The following LRRC8A variants were observed in gnomAD, a reference collection of about 807,000 sequenced individuals.
LRRC8A encodes the protein leucine rich repeat containing 8 VRAC subunit A, also known as volume-regulated anion channel subunit LRRC8A.
Under a neutral mutation model 52.5 loss-of-function variants are expected in LRRC8A, and 24 were observed. The ratio of observed to expected loss-of-function variants is 0.46; its 90% CI spans 0.33 to 0.64. The LOEUF (loss-of-function observed/expected upper bound fraction) is 0.64, where lower values mean the gene tolerates loss of function less well. Ranked by LOEUF, LRRC8A falls within the 30% of genes least tolerant of loss-of-function variation. The probability of loss-of-function intolerance (pLI) is 0.02; values close to 1 mark genes in which losing one functional copy is unlikely to be tolerated. For synonymous variants in LRRC8A, 492 were observed against 494.2 expected (o/e 1.00, Z 0.06); for missense variants, 677 against 1,094.7 (o/e 0.62, Z 5.38).
intron 1 of LRRC8A, among the ~76,000 whole-genome samples, chr9:128,884,324 C>G (rs747579908): frequency 1.3e-5 from 2 of 152,192 alleles, no homozygotes; most frequent in Non-Finnish European, 2.9e-5. Context: ...TGGGCCAAGA[C>G]CTCTTGGAGA....
At chr9:128,884,480 C>T (rs1839311735) in intron 1 of LRRC8A, among the ~76,000 whole-genome samples, 1 of 152,160 alleles carries the variant, frequency 6.6e-6, no homozygotes, top group African/African-American at 2.4e-5. Context: ...CATCCCTGGC[C>T]TCCTGAGAGC....
rs1839928801 is a variant in LRRC8A, at chr9:128,899,048, A to T, written c.-8-8109A>T. On this transcript the variant is annotated intron_variant, in intron 2 of 3. Coordinates refer to ENST00000372600, the MANE Select transcript of LRRC8A (RefSeq NM_019594.4). This position sits in a 1 kb window ranked among gnomAD's most constrained non-coding sequence, Gnocchi z 4.0. Reference sequence around the variant, plus strand: ...GGCAGCTCTGCAGTCACAGCCCAGCAGTCTGACGCGGGGGTGGGCAGCTGA... The same window carrying T: ...GGCAGCTCTGCAGTCACAGCCCAGCTGTCTGACGCGGGGGTGGGCAGCTGA... Among the ~76,000 whole-genome samples the T allele has an allele frequency of 6.6e-6, 1 of 152,192 alleles. No individual in the cohort carries two copies. The highest frequency in any genetic ancestry group is 6.5e-5 in the Admixed American group (1 of 15,276).
intron 3 of LRRC8A, among the ~76,000 whole-genome samples, chr9:128,914,833 G>A (rs989577195): frequency 1.3e-5 from 2 of 152,246 alleles, no homozygotes; most frequent in South Asian, 4.1e-4. Context: ...TCGCAGCAGG[G>A]CAGGGAAGAA....
At chr9:128,889,784 C>T (rs9408984) in intron 2 of LRRC8A, among the ~76,000 whole-genome samples, 79,587 of 151,698 alleles carry the variant, frequency 0.52, 25,101 homozygotes, top group Admixed American at 0.68. Flanking sequence ...TGAGCCACTG[C>T]GCCTGGCCAA....
chr9:128,896,413 A>G (rs902149059), intron 2 of LRRC8A, among the ~76,000 whole-genome samples: 3 of 152,232 alleles, frequency 2.0e-5, no homozygotes, highest in Admixed American at 1.3e-4. Flanking sequence ...TGTGTGGAGC[A>G]GCTTTCTAAG....
chr9:128,912,931 G>C (rs1243507215), intron 3 of LRRC8A: 1 of 152,334 alleles, frequency 6.6e-6, no homozygotes, highest in African/African-American at 2.4e-5. Context: ...GTGGATTGTT[G>C]AGACTGGAGG....
At chr9:128,909,381 G>C (rs2131028145) in intron 3 of LRRC8A, 60 bp downstream of exon 3, 4 of 1,516,252 alleles carry the variant, frequency 2.6e-6, no homozygotes, top group African/African-American at 1.4e-5. Flanking sequence ...CAGGGCTTGT[G>C]GTGGGGCACT....
chr9:128,902,384 A>T lies in LRRC8A; in HGVS notation c.-8-4773A>T, dbSNP rs1840060785. On this transcript the variant is annotated intron_variant, in intron 2 of 3. Transcript: ENST00000372600. This position sits in a 1 kb window ranked among gnomAD's most constrained non-coding sequence, Gnocchi z 4.1. The stretch of plus-strand genomic sequence containing the variant: ...CCTCACCTGTGTGACTGAGCTGGGA[A>T]CACTTCCTGCCTCAGAAGGAGGAGT... 1.3e-5 allele frequency among the ~76,000 whole-genome samples: 2 copies of T among 151,976 alleles called. No homozygotes were observed. Among genetic ancestry groups the T allele is most frequent in the Admixed American group, 1.3e-4 (2 of 15,254 alleles).
At position 128,908,112 on chromosome 9, in the gene LRRC8A, A is replaced by G. The variant is rs1466915303; in HGVS notation, c.948A>G (p.Thr316=). Reference sequence around the variant, plus strand: ...ACCGCTGTGCCCACCCCCTGGCCACACTCTTCAAGATCCTGGCGTCCTTCT... The same window carrying G: ...ACCGCTGTGCCCACCCCCTGGCCACGCTCTTCAAGATCCTGGCGTCCTTCT... ...RTYRCAHPLA[T]LFKILASFYI... Residue 316 remains threonine (T), a synonymous_variant, in exon 3 of 4, where the codon ACA becomes ACG. Coordinates refer to ENST00000372600, the MANE Select transcript of LRRC8A (RefSeq NM_019594.4). 8 of 1,613,708 alleles carry G rather than the reference A, an allele frequency of 5.0e-6. No homozygotes were observed. In the East Asian group the frequency reaches 1.8e-4, roughly 36 times the overall value.
Position 128,916,347 on chromosome 9 carries a change from G to A in LRRC8A, c.2409G>A (p.Trp803Ter). 1 of 1,611,754 alleles carries A rather than the reference G, an allele frequency of 6.2e-7. No individual in the cohort carries two copies. The highest frequency in any genetic ancestry group is 8.5e-7 in the Non-Finnish European group (1 of 1,179,846). Residue 803 changes from tryptophan (W) to a stop codon, truncating the protein, a stop_gained, in exon 4 of 4, where the codon TGG becomes TGA. Coordinates refer to ENST00000372600, the MANE Select transcript of LRRC8A (RefSeq NM_019594.4). LOFTEE classifies it high-confidence loss of function. The surrounding 1 kb of genome is among the most constrained non-coding windows in gnomAD (Gnocchi z 6.1). ...CACCCGAGGTGAAGGAGCGGCTGTG[G>A]AGGGCTGACAAGGAGCAGGCCTGAG... ...TLPPEVKERL[W>*]RADKEQA
chr9:128,907,215 C>T lies in LRRC8A; in HGVS notation c.51C>T (p.Tyr17=), dbSNP rs16930745. The change falls in exon 3 of 4, where the codon TAC becomes TAT. Residue 17 remains tyrosine (Y), a synonymous_variant. Coordinates refer to ENST00000372600, the MANE Select transcript of LRRC8A (RefSeq NM_019594.4). This position sits in a 1 kb window ranked among gnomAD's most constrained non-coding sequence, Gnocchi z 9.3. The part of the protein sequence containing the change: ...LRYFADTQPA[Y]RILKPWWDVF... ...ACTTTGCGGACACGCAGCCAGCATA[C>T]CGGATCCTGAAGCCGTGGTGGGATG... is the stretch of plus-strand genomic sequence containing the variant. The T allele has an allele frequency of 1.5e-3, 2,355 of 1,613,680 alleles. 33 individuals carry two copies. The African/African-American group carries it at 0.028, about 19-fold the overall frequency.
chr9:128,909,181 A>G lies in LRRC8A; in HGVS notation c.2017A>G (p.Lys673Glu). 2 of 1,614,120 alleles carry G rather than the reference A, an allele frequency of 1.2e-6. No individual in the cohort carries two copies. The highest frequency in any genetic ancestry group is 2.2e-5 in the East Asian group (1 of 44,878). The change falls in exon 3 of 4, where the codon AAG (lysine) becomes GAG (glutamate). Residue 673 changes from lysine (K) to glutamate (E), a missense_variant. By Grantham distance (56) the Lys-to-Glu change is moderately conservative (BLOSUM62 1). This residue lies in a region of LRRC8A where 169 missense variants were observed against 217.6 expected (regional missense o/e 0.78). Coordinates refer to ENST00000372600, the MANE Select transcript of LRRC8A (RefSeq NM_019594.4). ...NLERLYLNRNKIEKIPTQLFY... is the reference protein window; with the variant it reads ...NLERLYLNRNEIEKIPTQLFY... Reference sequence around the variant, plus strand: ...GGAGCGCCTCTACCTGAACCGCAACAAGATCGAGAAGATCCCCACCCAGCT... The same window carrying G: ...GGAGCGCCTCTACCTGAACCGCAACGAGATCGAGAAGATCCCCACCCAGCT...
chr9:128,883,085 G>C (rs1215785437), intron 1 of LRRC8A, among the ~76,000 whole-genome samples: 1 of 152,192 alleles, frequency 6.6e-6, no homozygotes, highest in African/African-American at 2.4e-5. Flanking sequence ...TTGGGAAGGA[G>C]GGATGGGTCG....
At position 128,908,967 on chromosome 9, in the gene LRRC8A, T is replaced by C. The variant is rs16930757; in HGVS notation, c.1803T>C (p.Cys601=). 4,488 of 1,614,152 alleles carry C rather than the reference T, an allele frequency of 2.8e-3. 59 individuals carry two copies. The African/African-American group carries it at 0.042, about 15-fold the overall frequency. The change falls in exon 3 of 4, where the codon TGT becomes TGC. Residue 601 remains cysteine (C), a synonymous_variant. Transcript: ENST00000372600. ...ANLTELELIR[C]DLERIPHSIF... is the part of the protein sequence containing the mutation. ...TGACTGAGCTGGAGCTGATCCGCTG[T>C]GACCTGGAGCGCATCCCCCACTCCA...
At chr9:128,913,255 C>T (rs551046997) in intron 3 of LRRC8A, among the ~76,000 whole-genome samples, 7 of 152,106 alleles carry the variant, frequency 4.6e-5, no homozygotes, top group Non-Finnish European at 8.8e-5. Flanking sequence ...AGAGAGACAG[C>T]GGCTTTCCTG....
chr9:128,896,043 G>A (rs1240552561), intron 2 of LRRC8A, among the ~76,000 whole-genome samples: 1 of 152,208 alleles, frequency 6.6e-6, no homozygotes, highest in East Asian at 1.9e-4. Flanking sequence ...AATATTCCAA[G>A]CACAGTTGAA....
chr9:128,913,524 G>T (rs1430760955), intron 3 of LRRC8A, among the ~76,000 whole-genome samples: 1 of 152,114 alleles, frequency 6.6e-6, no homozygotes, highest in Non-Finnish European at 1.5e-5. Flanking sequence ...GCTGTGGTGG[G>T]AGCCGAGCAA....
chr9:128,887,937 C>T (rs940617668), intron 2 of LRRC8A, among the ~76,000 whole-genome samples: 5 of 152,162 alleles, frequency 3.3e-5, no homozygotes, highest in East Asian at 1.9e-4. Context: ...CCACCGCGCC[C>T]GGCTCCCCTG....
chr9:128,912,397 G>A (rs1840589035), intron 3 of LRRC8A, among the ~76,000 whole-genome samples: 2 of 151,282 alleles, frequency 1.3e-5, no homozygotes, highest in South Asian at 4.2e-4. Flanking sequence ...CGAGGAGGAG[G>A]AAGCCAGGTG....
Sources: gnomAD v4.1 joint callset for allele counts (sites outside exome capture counted in the v4.1 genomes callset) on GRCh38, gnomAD v4.1.1 for gene constraint, gnomAD v4.1.1 regional missense constraint, Gnocchi (gnomAD v3.1) non-coding constraint, MANE v1.5 for transcripts, NCBI Gene and HGNC (gene_info 2026-07-23, HGNC 2026-07-21) for gene names.